VCL: variants seen among roughly 807,000 people sequenced by gnomAD.
VCL encodes vinculin, also known as epididymis luminal protein 114.
VCL carries 47 observed loss-of-function variants against 125.7 expected under a neutral mutation model. The ratio of observed to expected loss-of-function variants is 0.37; its 90% CI spans 0.30 to 0.48. The LOEUF (loss-of-function observed/expected upper bound fraction) is 0.48. Among genes scored for constraint, VCL ranks in the 20% least tolerant of loss-of-function variants. The probability of loss-of-function intolerance (pLI) is 0.99; values close to 1 mark genes in which losing one functional copy is unlikely to be tolerated. For missense variants in VCL, 1,069 were observed against 1,455.5 expected, an observed-to-expected ratio of 0.73 and a Z score of 4.32; for synonymous variants, 458 against 514.6, an observed-to-expected ratio of 0.89 and a Z score of 1.49.
At chr10:74,110,297 T>A (rs1228654377) in intron 18 of VCL, among the ~76,000 whole-genome samples, 1 of 151,952 alleles carries the variant, frequency 6.6e-6, no homozygotes, top group African/African-American at 2.4e-5. Context: ...GAACAAAAAA[T>A]ATACATGAAT....
chr10:74,032,353 A>C (rs1047105269), intron 1 of VCL, among the ~76,000 whole-genome samples: 4 of 152,126 alleles, frequency 2.6e-5, no homozygotes, highest in African/African-American at 9.7e-5. Flanking sequence ...AAGAAAGGGA[A>C]AGACAACCCA....
At chr10:74,050,366 G>C (rs540410554) in intron 2 of VCL, among the ~76,000 whole-genome samples, 30 of 152,256 alleles carry the variant, frequency 2.0e-4, no homozygotes, top group African/African-American at 7.2e-4. Context: ...CATTTCTTGG[G>C]AATTCTTTGT....
intron 2 of VCL, among the ~76,000 whole-genome samples, chr10:74,046,496 G>A (rs1478570417): frequency 6.6e-6 from 1 of 152,180 alleles, no homozygotes; most frequent in Non-Finnish European, 1.5e-5. Context: ...TCCTGCATTG[G>A]CCTCCCAAAG....
chr10:74,113,630 T>A (rs1259089776), intron 19 of VCL, among the ~76,000 whole-genome samples: 2 of 151,986 alleles, frequency 1.3e-5, no homozygotes, highest in Non-Finnish European at 2.9e-5. Context: ...GGGTTTGAAA[T>A]TCTAGTTAAG....
At chr10:74,096,637 C>A (rs757483666) in intron 12 of VCL, among the ~76,000 whole-genome samples, 2 of 152,124 alleles carry the variant, frequency 1.3e-5, no homozygotes, top group Non-Finnish European at 2.9e-5. Flanking sequence ...TTCATGGCTT[C>A]TAAGAATACT....
intron 8 of VCL, among the ~76,000 whole-genome samples, chr10:74,085,346 C>T (rs553278227): frequency 2.0e-5 from 3 of 152,120 alleles, no homozygotes; most frequent in Admixed American, 6.5e-5. Context: ...ATACATTTTA[C>T]GGAGGATGGG....
intron 1 of VCL, among the ~76,000 whole-genome samples, chr10:74,018,131 T>C (rs1840586338): frequency 7.4e-6 from 1 of 135,532 alleles, no homozygotes; most frequent in Admixed American, 7.9e-5. Flanking sequence ...CGAGACTCTG[T>C]CTCAAAAAGA....
At chr10:74,062,133 C>T (rs1036551629) in intron 2 of VCL, among the ~76,000 whole-genome samples, 3 of 151,754 alleles carry the variant, frequency 2.0e-5, no homozygotes, top group African/African-American at 7.3e-5. Flanking sequence ...GGCACAATCA[C>T]GGCTCACTGC....
In VCL at chr10:74,105,315, T is replaced by G. The variant is rs775881749; in HGVS notation, c.2396T>G (p.Met799Arg). The G allele has an allele frequency of 1.2e-6, 2 of 1,612,578 alleles. No individual in the cohort carries two copies. The highest frequency in any genetic ancestry group is 2.7e-5 in the African/African-American group (2 of 74,850). Residue 799 changes from methionine to arginine, a missense_variant, in exon 16 of 22, where the codon ATG becomes AGG. Met to Arg is a moderately conservative substitution (Grantham distance 91, BLOSUM62 -1). Transcript: ENST00000211998. ...AGCAAAACCATCTCCCCGATGGTGA[T>G]GGATGCAAAAGCTGTGGCTGGAAAC... Reference protein sequence around the residue: ...ELSKTISPMVMDAKAVAGNIS... With the variant: ...ELSKTISPMVRDAKAVAGNIS...
intron 1 of VCL, among the ~76,000 whole-genome samples, chr10:74,031,176 A>G (rs1840866812): frequency 6.6e-6 from 1 of 152,200 alleles, no homozygotes; most frequent in Non-Finnish European, 1.5e-5. Flanking sequence ...TGCCTTGTAA[A>G]TTCCTAAGAA....
chr10:74,089,493 C>A, intron 9 of VCL, 144 bp downstream of exon 9: 2 of 1,140,158 alleles, frequency 1.8e-6, no homozygotes, highest in Non-Finnish European at 2.5e-6. Flanking sequence ...CAGCACTTAC[C>A]AATGTTAACA....
At chr10:74,095,220 ATTG>A (rs1839948268) in intron 11 of VCL, among the ~76,000 whole-genome samples, 1 of 152,232 alleles carries the variant, frequency 6.6e-6, no homozygotes, top group Non-Finnish European at 1.5e-5. Context: ...TGAAATAATT[ATTG>A]TTAATATGAT....
At chr10:74,089,412 T>G (rs1407727061) in intron 9 of VCL, 63 bp downstream of exon 9, 1 of 1,601,198 alleles carries the variant, frequency 6.2e-7, no homozygotes, top group African/African-American at 1.3e-5. Context: ...GTCATAAATA[T>G]CCTATCTTTC....
chr10:74,092,711 T>C (rs1374794864), intron 10 of VCL, among the ~76,000 whole-genome samples: 1 of 152,210 alleles, frequency 6.6e-6, no homozygotes, highest in African/African-American at 2.4e-5. Flanking sequence ...TTTTGAAATA[T>C]GGACCCAGGA....
chr10:74,007,419 TTG>T (rs1181381979), intron 1 of VCL, among the ~76,000 whole-genome samples: 1 of 152,228 alleles, frequency 6.6e-6, no homozygotes, highest in African/African-American at 2.4e-5. Flanking sequence ...ACACTCATAC[TTG>T]TTCAGTGTTT....
chr10:74,057,780 A>G (rs1225172200), intron 2 of VCL, among the ~76,000 whole-genome samples: 1 of 152,008 alleles, frequency 6.6e-6, no homozygotes, highest in Non-Finnish European at 1.5e-5. Flanking sequence ...AAAAATACAA[A>G]AAATTACCTG....
rs78943063 is a variant in VCL at position 74,056,207 on chromosome 10, G to A, written c.239+13054G>A. Among the ~76,000 whole-genome samples, 1,126 of 151,190 alleles carry A rather than the reference G, an allele frequency of 7.4e-3. 13 individuals carry two copies. Among genetic ancestry groups the A allele is most frequent in the African/African-American group, 0.025 (1,047 of 41,106 alleles). ...GTGTGCTCATGATGGGTGTGTGTGT[G>A]TGTTTAGGCTTTGTTATCTAGTATA... On this transcript the variant is annotated intron_variant, in intron 2 of 21. Transcript: ENST00000211998.
rs138270989 is a variant in VCL at position 74,082,533 on chromosome 10, G to T, written c.863G>T (p.Ser288Ile). 1.9e-6 allele frequency: 3 copies of T among 1,613,932 alleles called. No individual in the cohort carries two copies. The highest frequency in any genetic ancestry group is 1.7e-5 in the Admixed American group (1 of 59,992). Reference sequence around the variant, plus strand: ...GCCAAAGGTTGGCTCCGTGACCCTAGTGCCTCCCCAGGTAACCCTCTAGTT... The same window carrying T: ...GCCAAAGGTTGGCTCCGTGACCCTATTGCCTCCCCAGGTAACCCTCTAGTT... ...NQAKGWLRDP[S>I]ASPGDAGEQA... The change falls in exon 7 of 22, where the codon AGT (serine) becomes ATT (isoleucine). Residue 288 changes from serine (S) to isoleucine (I), a missense_variant. Transcript: ENST00000211998.
Position 74,072,767 on chromosome 10 carries a change from G to A in VCL, c.537G>A (p.Gln179=). The change falls in exon 5 of 22, where the codon CAG becomes CAA. Residue 179 remains glutamine, a synonymous_variant. Transcript: ENST00000211998. ...TGGCCAAGATGATTGACGAGAGACA[G>A]CAGGAGCTCACTCACCAGGAGCACC... The part of the protein sequence containing the change: ...TKMAKMIDER[Q]QELTHQEHRV... 1 of 1,614,046 alleles carries A rather than the reference G, an allele frequency of 6.2e-7. No individual in the cohort carries two copies. The highest frequency in any genetic ancestry group is 1.3e-5 in the African/African-American group (1 of 75,012).
Sources: allele counts gnomAD v4.1 joint callset (sites outside exome capture counted in the v4.1 genomes callset), GRCh38; gene constraint gnomAD v4.1.1; transcripts MANE v1.5; gene names NCBI Gene and HGNC (gene_info 2026-07-23, HGNC 2026-07-21).